NLRP1: variants seen among roughly 807,000 people sequenced by gnomAD.
The protein encoded by NLRP1 is NACHT, LRR and PYD domains-containing protein 1.
A neutral mutation model predicts 136.7 loss-of-function variants in NLRP1; 94 were observed. The observed-to-expected ratio is 0.69, with a 90% CI of 0.58 to 0.82. The LOEUF is 0.82. Ranked by LOEUF, NLRP1 falls within the 40% of genes least tolerant of loss-of-function variation. The pLI is 0.00. For synonymous variants in NLRP1, 690 were observed against 725.1 expected, an observed-to-expected ratio of 0.95 and a Z score of 0.78; for missense variants, 1,575 against 1,802.7, an observed-to-expected ratio of 0.87 and a Z score of 2.29.
Position 5,552,554 on chromosome 17 carries a change from C to T in NLRP1, c.2528+832G>A, listed in dbSNP as rs193171128. 1.6e-4 allele frequency among the ~76,000 whole-genome samples: 25 copies of T among 152,264 alleles called. No homozygotes were observed. In the East Asian group the frequency reaches 4.8e-3, roughly 29 times the overall value. On this transcript the variant is annotated intron_variant, in intron 5 of 16. Transcript: ENST00000572272. ...TCACTTTTCTTTTAGTATTCCCCAT[C>T]TTGATGAAGATGCCACTATCCCATG...
At chr17:5,533,476 A>G (rs970659486) in intron 9 of NLRP1, 92 bp from the exon 10 acceptor site, 2 of 657,542 alleles carry the variant, frequency 3.0e-6, no homozygotes, top group African/African-American at 3.6e-5. Flanking sequence ...GGATTGTTTG[A>G]GCTCAGAAGG....
rs768225901 is a variant in NLRP1 at position 5,533,932 on chromosome 17, C to T, written c.3017G>A (p.Ser1006Asn). ...TCTCTGCCGCTTGAGTGAGGATGTG[C>T]TATTACTCATCTCTCCCGTATCCAG... ...EGLDTGEMSNSTSSLKRQRLG... is the reference protein window; with the variant it reads ...EGLDTGEMSNNTSSLKRQRLG... The change falls in exon 9 of 17, where the codon AGC becomes AAC. Residue 1006 changes from serine to asparagine, a missense_variant. Physicochemically the swap from Ser to Asn is conservative, Grantham distance 46 (BLOSUM62 1). Coordinates refer to ENST00000572272, the MANE Select transcript of NLRP1 (RefSeq NM_033004.4). The T allele has an allele frequency of 1.2e-6, 2 of 1,613,334 alleles. No homozygotes were observed. Among genetic ancestry groups the T allele is most frequent in the South Asian group, 2.2e-5 (2 of 91,006 alleles).
intron 8 of NLRP1, among the ~76,000 whole-genome samples, 184 bp downstream of exon 8, chr17:5,536,667 C>T (rs1567643911): frequency 6.6e-6 from 1 of 152,010 alleles, no homozygotes; most frequent in Non-Finnish European, 1.5e-5. Context: ...GTTTGTCTAA[C>T]GTTAAGAGTT....
intron 5 of NLRP1, among the ~76,000 whole-genome samples, chr17:5,546,517 A>G (rs752634160): frequency 9.9e-5 from 15 of 150,840 alleles, no homozygotes; most frequent in Non-Finnish European, 1.9e-4. Flanking sequence ...CTCCAACCCC[A>G]CTCCCGCCAA....
At chr17:5,503,834 CA>C (rs112591758) in intron 15 of NLRP1, 42,582 of 151,242 alleles carry the variant, frequency 0.28, 6,426 homozygotes, top group African/African-American at 0.4. Context: ...CAGAATCCAC[CA>C]AAAAAAAACC....
At position 5,559,910 on chromosome 17, in the gene NLRP1, GCT is replaced by G. The variant is rs778163514; in HGVS notation, c.784_785del (p.Ser262ProfsTer10). The G allele has an allele frequency of 1.2e-6, 2 of 1,614,188 alleles. No individual in the cohort carries two copies. The highest frequency in any genetic ancestry group is 1.7e-6 in the Non-Finnish European group (2 of 1,180,036). ...TTTTCCAGGGCCATGTGGAACAGAG[GCT>G]CTCTCTCACAGAAGGCTCCCATGGG... ...HHPWEPSVRE[S>X]LCSTWPWKNE... On this transcript the variant is annotated frameshift_variant, in exon 4 of 17. Coordinates refer to ENST00000572272, the MANE Select transcript of NLRP1 (RefSeq NM_033004.4). LOFTEE classifies it high-confidence loss of function.
chr17:5,512,141 C>A, downstream of NLRP1: 1 of 876,812 alleles, frequency 1.1e-6, no homozygotes, highest in East Asian at 2.6e-5. Flanking sequence ...GCCCACAGAC[C>A]AACTGTGGCC....
chr17:5,535,691 G>A (rs1366258328), intron 8 of NLRP1, among the ~76,000 whole-genome samples: 1 of 152,222 alleles, frequency 6.6e-6, no homozygotes, highest in Non-Finnish European at 1.5e-5. Context: ...TAGTGGGTCT[G>A]CAGGGAATGT....
intron 3 of NLRP1, among the ~76,000 whole-genome samples, chr17:5,565,730 T>C (rs1247255596): frequency 6.6e-6 from 1 of 152,188 alleles, no homozygotes; most frequent in Non-Finnish European, 1.5e-5. Flanking sequence ...CCTCTATTTT[T>C]TCGGAGTAGT....
intron 3 of NLRP1, among the ~76,000 whole-genome samples, chr17:5,565,979 A>G (rs1915287372): frequency 6.6e-6 from 1 of 152,180 alleles, no homozygotes; most frequent in African/African-American, 2.4e-5. Context: ...AATTGCTCAT[A>G]GCAGCCACTA....
rs1379142504 is a variant in NLRP1 at position 5,523,112 on chromosome 17, T to C, written c.3521-1326A>G. On this transcript the variant is annotated intron_variant, in intron 12 of 16. Coordinates refer to ENST00000572272, the MANE Select transcript of NLRP1 (RefSeq NM_033004.4). ...ATGCAGAGAGAGAGAATTCTGGCAG[T>C]AGCAGTTGGGTGAAGAGTCCAGTGA... 2.6e-5 allele frequency among the ~76,000 whole-genome samples: 4 copies of C among 151,994 alleles called. No individual in the cohort carries two copies. The South Asian group carries it at 8.3e-4, about 32-fold the overall frequency.
intron 1 of NLRP1, 37 bp from the exon 2 acceptor site, chr17:5,582,883 G>C: frequency 6.5e-7 from 1 of 1,532,712 alleles, no homozygotes; most frequent in Non-Finnish European, 8.9e-7. Context: ...AGACACATCA[G>C]AGGGGCAGGG....
At chr17:5,526,112 C>T (rs138243082) in intron 12 of NLRP1, among the ~76,000 whole-genome samples, 2,186 of 152,042 alleles carry the variant, frequency 0.014, 42 homozygotes, top group African/African-American at 0.049. Context: ...GTAGTTGGAA[C>T]TACAGGTGCG....
At chr17:5,533,704 G>A (rs1322211238) in intron 9 of NLRP1, among the ~76,000 whole-genome samples, 193 bp downstream of exon 9, 2 of 151,952 alleles carry the variant, frequency 1.3e-5, no homozygotes, top group Non-Finnish European at 2.9e-5. Context: ...CCAGCCGGTG[G>A]GTCTCGGAGA....
chr17:5,555,953 G>A (rs978559089), intron 4 of NLRP1, among the ~76,000 whole-genome samples: 3 of 151,966 alleles, frequency 2.0e-5, no homozygotes, highest in African/African-American at 7.3e-5. Context: ...AATTAGCTGG[G>A]TGTGGTGGTG....
At chr17:5,551,851 T>C (rs541805960) in intron 5 of NLRP1, among the ~76,000 whole-genome samples, 43 of 152,316 alleles carry the variant, frequency 2.8e-4, no homozygotes, top group Admixed American at 1.3e-3. Context: ...CTCACTGCAG[T>C]GTTGAACTCC....
intron 5 of NLRP1, among the ~76,000 whole-genome samples, chr17:5,546,081 C>T (rs1912626318): frequency 6.6e-6 from 1 of 152,194 alleles, no homozygotes; most frequent in Non-Finnish European, 1.5e-5. Context: ...GCAGCAGTGA[C>T]CCCAGTGGGC....
Position 5,558,367 on chromosome 17 carries a change from A to G in NLRP1, c.2329T>C (p.Ser777Pro), listed in dbSNP as rs747106702. The G allele has an allele frequency of 5.0e-6, 8 of 1,611,708 alleles. No homozygotes were observed. Among genetic ancestry groups the G allele is most frequent in the Admixed American group, 1.7e-5 (1 of 59,668 alleles). Residue 777 changes from serine to proline, a missense_variant, in exon 4 of 17, where the codon TCA becomes CCA. Ser to Pro is a moderately conservative substitution (Grantham distance 74, BLOSUM62 -1). Transcript: ENST00000572272. Reference protein sequence around the residue: ...LQLIEGRQHRSTWSPTMVVLF... With the variant: ...LQLIEGRQHRPTWSPTMVVLF... ...ACTACCATGGTGGGGCTCCATGTTG[A>G]TCTGTGCTGCCTGCCCTCAATCAGC...
At chr17:5,577,615 C>A (rs1278039218) in intron 3 of NLRP1, among the ~76,000 whole-genome samples, 1 of 152,110 alleles carries the variant, frequency 6.6e-6, no homozygotes, top group Non-Finnish European at 1.5e-5. Flanking sequence ...AAAGAGGACA[C>A]AAACAAATGG....
Sources: gnomAD v4.1 joint callset for allele counts (sites outside exome capture counted in the v4.1 genomes callset) on GRCh38, gnomAD v4.1.1 for gene constraint, MANE v1.5 for transcripts, NCBI Gene and HGNC (gene_info 2026-07-23, HGNC 2026-07-21) for gene names.